Variants in PLCXD3 observed in about 807,000 individuals in gnomAD.
The protein encoded by PLCXD3 is PI-PLC X domain-containing protein 3.
A neutral mutation model predicts 25.5 loss-of-function variants in PLCXD3; 19 were observed. The observed-to-expected ratio is 0.75, with a 90% CI of 0.52 to 1.09. The LOEUF (loss-of-function observed/expected upper bound fraction) is 1.09, where lower values mean the gene tolerates loss of function less well. Among genes scored for constraint, PLCXD3 ranks in the 50% least tolerant of loss-of-function variants. PLCXD3 has a pLI of 0.00. For synonymous variants in PLCXD3, 174 were observed against 137.6 expected (o/e 1.26, Z -1.85); for missense variants, 411 against 388.1 (o/e 1.06, Z -0.50).
intron 1 of PLCXD3, among the ~76,000 whole-genome samples, chr5:41,430,078 C>T (rs1580369466): frequency 7.2e-5 from 11 of 152,248 alleles, no homozygotes; most frequent in Middle Eastern, 3.4e-3. Flanking sequence ...TTGCTGCTTG[C>T]TAGATGTGCA....
rs751131624 is a variant in PLCXD3, at chr5:41,440,249, T to TTTTTTTTTTTTTTTTTTTTTTTTTTTG, written c.104-57716_104-57715insCAAAAAAAAAAAAAAAAAAAAAAAAAA. On this transcript the variant is annotated intron_variant, in intron 1 of 2. Coordinates refer to ENST00000377801, the MANE Select transcript of PLCXD3 (RefSeq NM_001005473.3). ...TTTTTTTTTTTTTTTTTTTTTTTTT[T>TTTTTTTTTTTTTTTTTTTTTTTTTTTG]TTAGTCAGAGTCTCACTGTGTCACC... Among the ~76,000 whole-genome samples, 31 of 100,326 alleles carry TTTTTTTTTTTTTTTTTTTTTTTTTTTG rather than the reference T, an allele frequency of 3.1e-4. 4 individuals are homozygous for TTTTTTTTTTTTTTTTTTTTTTTTTTTG. Among genetic ancestry groups the TTTTTTTTTTTTTTTTTTTTTTTTTTTG allele is most frequent in the Non-Finnish European group, 4.8e-4 (24 of 49,616 alleles). 65.8% of individuals were successfully genotyped at this position (100,326 alleles called of 152,430 possible).
rs375781508 is a variant in PLCXD3 at position 41,473,797 on chromosome 5, C to T, written c.103+36627G>A. Among the ~76,000 whole-genome samples, 3 of 152,140 alleles carry T rather than the reference C, an allele frequency of 2.0e-5. No homozygotes were observed. In the East Asian group the frequency reaches 5.8e-4, roughly 29 times the overall value. ...GATAGAACCATTCATTTTCAAGCGT[C>T]CTCAGTACAGAGAAGGGCACATAGT... is the stretch of plus-strand genomic sequence containing the variant. On this transcript the variant is annotated intron_variant, in intron 1 of 2. Transcript: ENST00000377801.
chr5:41,440,214 A>C (rs1034551993), intron 1 of PLCXD3, among the ~76,000 whole-genome samples: 2 of 72,166 alleles, frequency 2.8e-5, no homozygotes, highest in African/African-American at 6.0e-5. Flanking sequence ...ATAATCTCTC[A>C]ATTTTTTTTT....
chr5:41,349,569 T>C (rs1744394401), intron 2 of PLCXD3, among the ~76,000 whole-genome samples: 1 of 152,190 alleles, frequency 6.6e-6, no homozygotes, highest in Non-Finnish European at 1.5e-5. Flanking sequence ...ATGCAGGATG[T>C]GGAGTTGAAG....
chr5:41,427,224 C>G (rs1445153825), intron 1 of PLCXD3, among the ~76,000 whole-genome samples: 2 of 152,172 alleles, frequency 1.3e-5, no homozygotes, highest in East Asian at 1.9e-4. Flanking sequence ...CTGTTTCTTT[C>G]TTGCAAATCC....
intron 1 of PLCXD3, among the ~76,000 whole-genome samples, chr5:41,454,641 A>C (rs1221126509): frequency 6.6e-6 from 1 of 151,962 alleles, no homozygotes; most frequent in African/African-American, 2.4e-5. Flanking sequence ...ATGAGAAGAC[A>C]GAGAAACACA....
At position 41,312,139 on chromosome 5, in the gene PLCXD3, A is replaced by G. The variant is rs1192385493; in HGVS notation, c.*1478T>C. Reference sequence around the variant, plus strand: ...AGTTGTCAAATATCACAATGACACGAAGGAGGAAGTAACGCTCAAGCTGTG... The same window carrying G: ...AGTTGTCAAATATCACAATGACACGGAGGAGGAAGTAACGCTCAAGCTGTG... On this transcript the variant is annotated 3_prime_UTR_variant, in exon 3 of 3. Transcript: ENST00000377801. 6.6e-6 allele frequency: 1 copy of G among 152,332 alleles called. No individual in the cohort carries two copies. Among genetic ancestry groups the G allele is most frequent in the Non-Finnish European group, 1.5e-5 (1 of 67,992 alleles). The allele number at this position is 152,332 out of a possible 1,614,324, so 9.4% of individuals were successfully genotyped here. A position where few individuals can be genotyped will look rare whatever the true frequency, so the allele number is the denominator to read the frequency against.
At chr5:41,454,603 G>A (rs1015521991) in intron 1 of PLCXD3, among the ~76,000 whole-genome samples, 3 of 151,762 alleles carry the variant, frequency 2.0e-5, no homozygotes, top group African/African-American at 2.4e-5. Flanking sequence ...GCAAACATTC[G>A]GACCATGCCT....
At chr5:41,447,693 G>A (rs1368946794) in intron 1 of PLCXD3, among the ~76,000 whole-genome samples, 2 of 152,236 alleles carry the variant, frequency 1.3e-5, no homozygotes, top group Admixed American at 1.3e-4. Context: ...AAAGAACAGA[G>A]CAGGAGGAGG....
intron 1 of PLCXD3, among the ~76,000 whole-genome samples, chr5:41,470,864 G>T (rs765683994): frequency 6.6e-6 from 1 of 152,122 alleles, no homozygotes; most frequent in Non-Finnish European, 1.5e-5. Context: ...CTGATCTGCC[G>T]GCAGTGAGTC....
At chr5:41,348,458 T>A (rs1744362937) in intron 2 of PLCXD3, among the ~76,000 whole-genome samples, 1 of 152,146 alleles carries the variant, frequency 6.6e-6, no homozygotes, top group African/African-American at 2.4e-5. Context: ...ACATTCCTGG[T>A]AATATTTTCC....
intron 2 of PLCXD3, among the ~76,000 whole-genome samples, chr5:41,335,817 G>A (rs1458140306): frequency 6.6e-6 from 1 of 152,098 alleles, no homozygotes; most frequent in Non-Finnish European, 1.5e-5. Context: ...CCTACAGACA[G>A]AAATTGCTGA....
intron 1 of PLCXD3, among the ~76,000 whole-genome samples, chr5:41,470,723 G>C (rs888194647): frequency 6.6e-6 from 1 of 151,802 alleles, no homozygotes; most frequent in African/African-American, 2.4e-5. Context: ...AGCTAAACAG[G>C]AAAAAGACTA....
intron 1 of PLCXD3, among the ~76,000 whole-genome samples, chr5:41,391,564 G>A (rs1473575872): frequency 6.6e-6 from 1 of 152,168 alleles, no homozygotes; most frequent in Non-Finnish European, 1.5e-5. Flanking sequence ...GTGATATCCG[G>A]GTACTACATC....
chr5:41,388,125 TA>T (rs35656974), intron 1 of PLCXD3, among the ~76,000 whole-genome samples: 207 of 146,062 alleles, frequency 1.4e-3, no homozygotes, highest in Middle Eastern at 3.5e-3. Context: ...AGTTGGAAAC[TA>T]AAAAAAAAAA....
intron 1 of PLCXD3, among the ~76,000 whole-genome samples, chr5:41,479,245 T>G (rs1464698536): frequency 6.6e-6 from 1 of 152,154 alleles, no homozygotes; most frequent in Non-Finnish European, 1.5e-5. Flanking sequence ...AAACAAATAT[T>G]ACATGATTCA....
At chr5:41,389,164 A>G (rs1745731999) in intron 1 of PLCXD3, among the ~76,000 whole-genome samples, 1 of 152,094 alleles carries the variant, frequency 6.6e-6, no homozygotes, top group Non-Finnish European at 1.5e-5. Context: ...CAGAGAAACC[A>G]GTTAAAGCCT....
At chr5:41,449,244 T>C (rs1333348525) in intron 1 of PLCXD3, among the ~76,000 whole-genome samples, 1 of 152,200 alleles carries the variant, frequency 6.6e-6, no homozygotes, top group Non-Finnish European at 1.5e-5. Context: ...GATATCCTCA[T>C]AGCAATTTGC....
At chr5:41,403,409 T>TG (rs1554047969) in intron 1 of PLCXD3, among the ~76,000 whole-genome samples, 11 of 39,652 alleles carry the variant, frequency 2.8e-4, no homozygotes, top group Admixed American at 4.5e-4. Context: ...TTGTTTTTTT[T>TG]TTTTTTTATT....
Sources: allele counts gnomAD v4.1 joint callset (sites outside exome capture counted in the v4.1 genomes callset), GRCh38; gene constraint gnomAD v4.1.1; transcripts MANE v1.5; gene names NCBI Gene and HGNC (gene_info 2026-07-23, HGNC 2026-07-21).